Variants in PCNX2 observed in about 807,000 individuals in gnomAD.
PCNX2 encodes pecanex-like protein 2.
Under a neutral mutation model 223.8 loss-of-function variants are expected in PCNX2, and 168 were observed. The ratio of observed to expected loss-of-function variants is 0.75; its 90% CI spans 0.66 to 0.85. The LOEUF (loss-of-function observed/expected upper bound fraction) is 0.85, where lower values mean the gene tolerates loss of function less well. PCNX2 is among the 40% of genes least tolerant of loss of function. The pLI is 0.00. For synonymous variants in PCNX2, 1,006 were observed against 1,052.6 expected, an observed-to-expected ratio of 0.96 and a Z score of 0.86; for missense variants, 2,507 against 2,675.5, an observed-to-expected ratio of 0.94 and a Z score of 1.39.
the PCNX2 span, among the ~76,000 whole-genome samples, chr1:233,314,302 T>C: frequency 3.7e-3 from 566 of 152,246 alleles, 3 homozygotes; most frequent in African/African-American, 0.012. Flanking sequence ...AAGATACAAA[T>C]TAAATTCTTA....
At chr1:232,994,827 C>T (rs1669821413) in intron 32 of PCNX2, among the ~76,000 whole-genome samples, 1 of 152,138 alleles carries the variant, frequency 6.6e-6, no homozygotes, top group Non-Finnish European at 1.5e-5. Flanking sequence ...CTCCTGCCAC[C>T]ATGTAAGATG....
At chr1:233,225,110 TA>T (rs71173259) in intron 10 of PCNX2, among the ~76,000 whole-genome samples, 7,940 of 42,190 alleles carry the variant, frequency 0.19, 304 homozygotes, top group Admixed American at 0.31. Flanking sequence ...AGAACTAAAG[TA>T]AAAAAAAAAA....
At chr1:233,135,267 T>C (rs1375452732) in intron 20 of PCNX2, 77 bp from the exon 21 acceptor site, 1 of 1,414,266 alleles carries the variant, frequency 7.1e-7, no homozygotes, top group South Asian at 1.4e-5. Flanking sequence ...CTAACAATTC[T>C]CCAGGATTGA....
intron 25 of PCNX2, 119 bp from the exon 26 acceptor site, chr1:233,025,518 G>A (rs914892277): frequency 2.2e-6 from 3 of 1,335,134 alleles, no homozygotes; most frequent in African/African-American, 2.9e-5. Context: ...GAGGAATCAG[G>A]AAATTTGTTT....
At chr1:233,187,771 G>C (rs1680188851) in intron 15 of PCNX2, among the ~76,000 whole-genome samples, 1 of 152,158 alleles carries the variant, frequency 6.6e-6, no homozygotes, top group African/African-American at 2.4e-5. Context: ...GGCTGGCTGA[G>C]ATCGGTTTCC....
At position 232,986,508 on chromosome 1, in the gene PCNX2, C is replaced by T. The variant is rs553470499; in HGVS notation, c.5824G>A (p.Ala1942Thr). The change falls in exon 33 of 34, where the codon GCA (alanine) becomes ACA (threonine). Residue 1942 changes from alanine (A) to threonine (T), a missense_variant. Physicochemically the swap from Ala to Thr is moderately conservative, Grantham distance 58 (BLOSUM62 0). This residue lies in a region of PCNX2 where 1,372 missense variants were observed against 1,509.4 expected (regional missense o/e 0.91). Transcript: ENST00000258229. ...RRKGRSQSVQ[A>T]HSALSQRPPM... ...GGCCTTTGGCTTAGCGCTGAGTGTG[C>T]CTGCACGGACTGGCTCCTGCCTTTC... is the stretch of plus-strand genomic sequence containing the variant. 1.9e-4 allele frequency: 300 copies of T among 1,554,394 alleles called. No homozygotes were observed. The highest frequency in any genetic ancestry group is 2.5e-4 in the Non-Finnish European group (286 of 1,149,222).
At chr1:233,306,764 G>A in the PCNX2 span, among the ~76,000 whole-genome samples, 1 of 151,948 alleles carries the variant, frequency 6.6e-6, no homozygotes, top group Non-Finnish European at 1.5e-5. Context: ...TTCCCTTGGT[G>A]TGTTTATCAA....
intron 14 of PCNX2, among the ~76,000 whole-genome samples, 189 bp downstream of exon 14, chr1:233,199,965 G>T (rs1191091311): frequency 6.6e-6 from 1 of 152,054 alleles, no homozygotes; most frequent in Non-Finnish European, 1.5e-5. Flanking sequence ...AAGCTAAGTG[G>T]ACCTCTTCCA....
intron 23 of PCNX2, chr1:233,058,382 T>C (rs1303260576): frequency 6.6e-6 from 1 of 152,226 alleles, no homozygotes; most frequent in African/African-American, 2.4e-5. Flanking sequence ...CCTTTGTCCT[T>C]TTATTTCCAA....
intron 1 of PCNX2, among the ~76,000 whole-genome samples, chr1:233,282,929 C>A (rs866134336): frequency 9.2e-5 from 14 of 151,912 alleles, no homozygotes; most frequent in Admixed American, 5.2e-4. Context: ...AGCATAACCA[C>A]AAAGATGAAC....
Position 233,139,990 on chromosome 1 carries a change from T to C in PCNX2, c.3518-135A>G. ...TAAGAACTCGTGATACTAGACATGATATACCATTTTTTTCCAGGCAGCAAC... is the reference window on the plus strand; with the variant it reads ...TAAGAACTCGTGATACTAGACATGACATACCATTTTTTTCCAGGCAGCAAC... On this transcript the variant is annotated intron_variant, in intron 19 of 33. Transcript: ENST00000258229. This position sits in a 1 kb window ranked among gnomAD's most constrained non-coding sequence, Gnocchi z 4.4. 4 of 1,103,586 alleles carry C rather than the reference T, an allele frequency of 3.6e-6. No individual in the cohort carries two copies. Among genetic ancestry groups the C allele is most frequent in the Non-Finnish European group, 5.1e-6 (4 of 791,974 alleles). The allele number at this position is 1,103,586 out of a possible 1,614,324, so 68.4% of individuals were successfully genotyped here.
chr1:233,246,332 G>A (rs2102979412), intron 8 of PCNX2, among the ~76,000 whole-genome samples: 1 of 152,224 alleles, frequency 6.6e-6, no homozygotes. Context: ...TCCACACTGG[G>A]CCAGCTTCAC....
At chr1:233,149,793 C>T (rs2475160) in intron 19 of PCNX2, among the ~76,000 whole-genome samples, 99,613 of 151,538 alleles carry the variant, frequency 0.66, 33,203 homozygotes, top group African/African-American at 0.77. Context: ...CCATGGTCCA[C>T]CATTTTTTCT....
chr1:233,239,751 T>C (rs1658641441), intron 8 of PCNX2, among the ~76,000 whole-genome samples: 1 of 152,234 alleles, frequency 6.6e-6, no homozygotes, highest in Non-Finnish European at 1.5e-5. Context: ...TTTGTTGATA[T>C]AGGATTGACT....
chr1:233,213,904 C>T (rs1443340656), intron 12 of PCNX2, among the ~76,000 whole-genome samples: 1 of 139,148 alleles, frequency 7.2e-6, no homozygotes, highest in Admixed American at 7.7e-5. Flanking sequence ...TCTTGGCTCA[C>T]TGCAACCTTT....
chr1:233,296,444 GA>G (rs1333877792), upstream of PCNX2, among the ~76,000 whole-genome samples: 1 of 152,128 alleles, frequency 6.6e-6, no homozygotes, highest in Non-Finnish European at 1.5e-5. Context: ...TGGCTATATA[GA>G]ACATTAGTCT....
intron 25 of PCNX2, among the ~76,000 whole-genome samples, chr1:233,034,297 T>TATGAGGGTGCG (rs1248881772): frequency 1.3e-5 from 2 of 152,064 alleles, no homozygotes; most frequent in Non-Finnish European, 2.9e-5. Context: ...ATGAGAGTAG[T>TATGAGGGTGCG]GCCCTCAGGA....
intron 17 of PCNX2, 74 bp from the exon 18 acceptor site, chr1:233,161,437 GCAGCAGGA>G: frequency 7.8e-7 from 1 of 1,288,428 alleles, no homozygotes; most frequent in Non-Finnish European, 1.1e-6. Context: ...GGTAAATCAA[GCAGCAGGA>G]CATTGACCCA....
rs773501191 is a variant in PCNX2 at position 233,134,967 on chromosome 1, G to A, written c.3837+46C>T. ...ACTCTTAAAACATTTGATAAGAACA[G>A]CCCCCTTTAAAATGTTAAAATGAAG... On this transcript the variant is annotated intron_variant, in intron 21 of 33. Transcript: ENST00000258229. 6.6e-5 allele frequency: 94 copies of A among 1,433,846 alleles called. 2 individuals carry two copies. In the South Asian group the frequency reaches 9.5e-4, roughly 15 times the overall value. 88.8% of individuals were successfully genotyped at this position (1,433,846 alleles called of 1,614,324 possible). A position where few individuals can be genotyped will look rare whatever the true frequency, so the allele number is the denominator to read the frequency against.
Sources: gnomAD v4.1 joint callset for allele counts (sites outside exome capture counted in the v4.1 genomes callset) on GRCh38, gnomAD v4.1.1 for gene constraint, gnomAD v4.1.1 regional missense constraint, Gnocchi (gnomAD v3.1) non-coding constraint, MANE v1.5 for transcripts, NCBI Gene and HGNC (gene_info 2026-07-23, HGNC 2026-07-21) for gene names.